Variants in SH3KBP1 observed in about 807,000 individuals in gnomAD.
The protein encoded by SH3KBP1 is SH3 domain-containing kinase-binding protein 1.
SH3KBP1 carries 8 observed loss-of-function variants against 50.1 expected under a neutral mutation model. The observed-to-expected ratio is 0.16, with a 90% confidence interval of 0.09 to 0.29. The LOEUF is 0.29. SH3KBP1 is among the 10% of genes least tolerant of loss of function. The pLI is 1.00. For synonymous variants in SH3KBP1, 227 were observed against 218.6 expected, an observed-to-expected ratio of 1.04 and a Z score of -0.34; for missense variants, 377 against 535.2, an observed-to-expected ratio of 0.70 and a Z score of 2.92.
chrX:19,887,146 G>A (rs2069616118), intron 1 of SH3KBP1, among the ~76,000 whole-genome samples, 161 bp downstream of exon 1: 1 of 110,747 alleles, frequency 9.0e-6, no homozygotes, highest in Admixed American at 9.4e-5. Context: ...GGGCGCAAGT[G>A]GGAGTGAATG....
chrX:19,655,654 T>C (rs2062256512), intron 6 of SH3KBP1, among the ~76,000 whole-genome samples: 1 of 110,210 alleles, frequency 9.1e-6, no homozygotes, highest in African/African-American at 3.3e-5. Context: ...AATAGACACT[T>C]GGGACTCCAA....
chrX:19,663,283 CT>C (rs1345244706), intron 6 of SH3KBP1, among the ~76,000 whole-genome samples: 1 of 111,242 alleles, frequency 9.0e-6, no homozygotes, highest in East Asian at 2.8e-4. Flanking sequence ...TTAAATGGTG[CT>C]TTTCGTGGTT....
intron 8 of SH3KBP1, among the ~76,000 whole-genome samples, chrX:19,619,805 A>T (rs1327435022): frequency 2.7e-5 from 3 of 112,434 alleles, no homozygotes; most frequent in Middle Eastern, 9.2e-3. Flanking sequence ...AAATACAATT[A>T]AAAAAATATA....
At chrX:19,636,142 T>TAGAG (rs200616037) in intron 7 of SH3KBP1, among the ~76,000 whole-genome samples, 6 of 106,305 alleles carry the variant, frequency 5.6e-5, no homozygotes, top group African/African-American at 1.7e-4. Flanking sequence ...CACACACACA[T>TAGAG]AGAGAGAGAG....
intron 2 of SH3KBP1, among the ~76,000 whole-genome samples, chrX:19,826,486 G>A (rs778892878): frequency 1.8e-5 from 2 of 109,605 alleles, no homozygotes; most frequent in Admixed American, 9.8e-5. Flanking sequence ...GGCAACCAGC[G>A]TGGGCAACAT....
chrX:19,862,791 C>A (rs1285759488), intron 1 of SH3KBP1, among the ~76,000 whole-genome samples: 1 of 112,053 alleles, frequency 8.9e-6, no homozygotes, highest in African/African-American at 3.2e-5. Context: ...GGTCAGCTCA[C>A]AATTGAAGTA....
intron 3 of SH3KBP1, among the ~76,000 whole-genome samples, chrX:19,733,793 C>A (rs1187097241): frequency 1.8e-5 from 2 of 110,609 alleles, no homozygotes; most frequent in Non-Finnish European, 3.8e-5. Flanking sequence ...AAAATAAGGA[C>A]CTCAATATAA....
At chrX:19,868,538 C>A (rs2068965987) in intron 1 of SH3KBP1, among the ~76,000 whole-genome samples, 1 of 108,270 alleles carries the variant, frequency 9.2e-6, no homozygotes, top group Non-Finnish European at 1.9e-5. Context: ...TATGATATGG[C>A]AGAAACTGAT....
At chrX:19,583,165 A>G (rs780895171) in intron 12 of SH3KBP1, among the ~76,000 whole-genome samples, 2 of 96,558 alleles carry the variant, frequency 2.1e-5, no homozygotes, top group Admixed American at 2.2e-4. Flanking sequence ...TATTATTATT[A>G]TTTTTGAGAC....
chrX:19,773,105 C>T (rs772000706), intron 2 of SH3KBP1, among the ~76,000 whole-genome samples: 7 of 110,703 alleles, frequency 6.3e-5, no homozygotes, highest in Non-Finnish European at 1.1e-4. Flanking sequence ...TACAGATAGG[C>T]ACACAGACAC....
chrX:19,542,104 G>C lies in SH3KBP1; in HGVS notation c.1713C>G (p.Pro571=), dbSNP rs779251848. The part of the protein sequence containing the change: ...GGPAPLSSAA[P]SPLSSSLGTA... ...TTCCCAAAGAGGATGACAGGGGGGA[G>C]GGCGCCGCTGAGGACAGAGGGGCTG... is the stretch of plus-strand genomic sequence containing the variant. Residue 571 remains proline, a synonymous_variant, in exon 16 of 18, where the codon CCC becomes CCG. Transcript: ENST00000397821. 4.1e-6 allele frequency: 5 copies of C among 1,209,275 alleles called. No individual in the cohort carries two copies. The East Asian group carries it at 1.5e-4, about 36-fold the overall frequency.
intron 2 of SH3KBP1, among the ~76,000 whole-genome samples, chrX:19,802,578 T>C (rs1250943217): frequency 1.8e-5 from 2 of 110,353 alleles, no homozygotes; most frequent in Non-Finnish European, 1.9e-5. Flanking sequence ...CTGGCCTTGC[T>C]TCCCATTTTA....
intron 2 of SH3KBP1, among the ~76,000 whole-genome samples, chrX:19,813,160 A>AAAGAAGAAGAAGAAGAAGAAG (rs370190945): frequency 1.5e-4 from 16 of 104,572 alleles, no homozygotes; most frequent in African/African-American, 5.9e-4. Flanking sequence ...AAACAAAAAA[A>AAAGAAGAAGAAGAAGAAGAAG]AAGAAGAAGA....
chrX:19,722,646 C>T (rs2064103172), intron 3 of SH3KBP1, among the ~76,000 whole-genome samples: 1 of 105,235 alleles, frequency 9.5e-6, no homozygotes, highest in Admixed American at 1.0e-4. Flanking sequence ...GCTGCAAGCA[C>T]AGAAATATTC....
chrX:19,574,992 T>C (rs143664692), intron 12 of SH3KBP1, among the ~76,000 whole-genome samples: 4 of 112,082 alleles, frequency 3.6e-5, no homozygotes, highest in Non-Finnish European at 5.6e-5. Context: ...TTCTAACCTC[T>C]ACAACTGTGA....
At chrX:19,701,135 C>T (rs888694599) in intron 4 of SH3KBP1, among the ~76,000 whole-genome samples, 2 of 111,808 alleles carry the variant, frequency 1.8e-5, no homozygotes, top group Non-Finnish European at 3.8e-5. Context: ...ATAATCCTGT[C>T]CTTCAAAAAC....
chrX:19,804,900 G>T (rs867059225), intron 2 of SH3KBP1, among the ~76,000 whole-genome samples: 2 of 2,324 alleles, frequency 8.6e-4, no homozygotes, highest in Non-Finnish European at 1.6e-3. Context: ...CCCCCCACCC[G>T]CTGCCATCAC....
At chrX:19,601,531 G>A (rs1422237371) in intron 9 of SH3KBP1, 2 of 111,894 alleles carry the variant, frequency 1.8e-5, no homozygotes, top group Admixed American at 9.5e-5. Context: ...AAAGGGCTTC[G>A]TTAGAGGAAT....
intron 1 of SH3KBP1, among the ~76,000 whole-genome samples, chrX:19,881,721 C>G (rs2069439519): frequency 9.0e-6 from 1 of 111,676 alleles, no homozygotes; most frequent in African/African-American, 3.3e-5. Flanking sequence ...GCTGCAATCA[C>G]TCAAGGACAC....
Sources: allele counts gnomAD v4.1 joint callset (sites outside exome capture counted in the v4.1 genomes callset), GRCh38; gene constraint gnomAD v4.1.1; transcripts MANE v1.5; gene names NCBI Gene and HGNC (gene_info 2026-07-23, HGNC 2026-07-21).